Variants in CYLD observed in about 807,000 individuals in gnomAD.
CYLD encodes the protein ubiquitin carboxyl-terminal hydrolase CYLD.
Under a neutral mutation model 104.5 loss-of-function variants are expected in CYLD, and 26 were observed. The ratio of observed to expected loss-of-function variants is 0.25; its 90% confidence interval spans 0.18 to 0.35. CYLD has a LOEUF of 0.35. CYLD is among the 10% of genes least tolerant of loss of function. CYLD has a pLI of 1.00. For missense variants in CYLD, 703 were observed against 1,136.1 expected (o/e 0.62, Z 5.48); for synonymous variants, 385 against 399.9 (o/e 0.96, Z 0.45).
chr16:50,747,493 C>T (rs1001644113), intron 2 of CYLD, among the ~76,000 whole-genome samples: 6 of 152,128 alleles, frequency 3.9e-5, no homozygotes, highest in Admixed American at 1.3e-4. Context: ...AATTTACAGT[C>T]ATAATGATAC....
Position 50,777,848 on chromosome 16 carries a change from A to G in CYLD, c.1045A>G (p.Arg349Gly), listed in dbSNP as rs373172148. The change falls in exon 8 of 19, where the codon AGA (arginine) becomes GGA (glycine). Residue 349 changes from arginine to glycine, a missense_variant. By Grantham distance (125) the Arg-to-Gly change is moderately radical (BLOSUM62 -2). Coordinates refer to ENST00000427738, the MANE Select transcript of CYLD (RefSeq NM_001378743.1). ...AGGATCTACCTCAGACCCTGGAAAT[A>G]GAAACAGATCTGAATTATTTTATAC... is the stretch of plus-strand genomic sequence containing the variant. ...ATGSTSDPGN[R>G]NRSELFYTLN... is the part of the protein sequence containing the mutation. 4 of 1,603,476 alleles carry G rather than the reference A, an allele frequency of 2.5e-6. No individual in the cohort carries two copies. The highest frequency in any genetic ancestry group is 1.7e-4 in the Middle Eastern group (1 of 5,772).
rs1360946351 is a variant in CYLD at position 50,794,382 on chromosome 16, G to A, written c.2640G>A (p.Lys880=). 12 of 1,614,072 alleles carry A rather than the reference G, an allele frequency of 7.4e-6. No homozygotes were observed. The Admixed American group carries it at 1.5e-4, about 20-fold the overall frequency. ...SHYVAFVKYG[K]DDSAWLFFDS... is the part of the protein sequence containing the mutation. ...ATGTTGCTTTTGTGAAGTATGGGAA[G>A]GACGATTCTGCCTGGCTCTTCTTTG... is the stretch of plus-strand genomic sequence containing the variant. The change falls in exon 18 of 19, where the codon AAG becomes AAA. Residue 880 remains lysine (K), a synonymous_variant. Coordinates refer to ENST00000427738, the MANE Select transcript of CYLD (RefSeq NM_001378743.1). This position sits in a 1 kb window ranked among gnomAD's most constrained non-coding sequence, Gnocchi z 4.1.
At chr16:50,778,038 CAG>C in intron 8 of CYLD, 97 bp downstream of exon 8, 3 of 744,356 alleles carry the variant, frequency 4.0e-6, no homozygotes, top group East Asian at 2.5e-5. Flanking sequence ...TTTTTGGAAA[CAG>C]AATAAGTAGA....
chr16:50,798,615 A>G lies in CYLD; in HGVS notation c.*2107A>G, dbSNP rs1377833665. On this transcript the variant is annotated 3_prime_UTR_variant, in exon 19 of 19. Coordinates refer to ENST00000427738, the MANE Select transcript of CYLD (RefSeq NM_001378743.1). ...AGGTAAGACTGGATTTAACAGTTGG[A>G]AAAAAAAAAAAAAAAGGAGAGAGAA... 4 of 84,986 alleles carry G rather than the reference A, an allele frequency of 4.7e-5. No individual in the cohort carries two copies. Among genetic ancestry groups the G allele is most frequent in the East Asian group, 2.1e-4 (1 of 4,730 alleles). 5.3% of individuals were successfully genotyped at this position (84,986 alleles called of 1,614,324 possible). A position where few individuals can be genotyped will look rare whatever the true frequency, so the allele number is the denominator to read the frequency against.
At chr16:50,762,265 C>T (rs1028077298) in intron 5 of CYLD, among the ~76,000 whole-genome samples, 3 of 151,872 alleles carry the variant, frequency 2.0e-5, no homozygotes, top group Non-Finnish European at 2.9e-5. Flanking sequence ...TCTCACTGTT[C>T]TTTTGAATTT....
At position 50,801,302 on chromosome 16, in the gene CYLD, C is replaced by G. The variant is rs1017887673; in HGVS notation, c.*4794C>G. 1.8e-4 allele frequency: 42 copies of G among 233,364 alleles called. No homozygotes were observed. Among genetic ancestry groups the G allele is most frequent in the African/African-American group, 8.8e-4 (40 of 45,356 alleles). The allele number at this position is 233,364 out of a possible 1,614,324, so 14.5% of individuals were successfully genotyped here. ...TCCAGCAGTCTCTGTAGCCAGGTTA[C>G]TCAAGAACCACATTTGATTTCCTGG... On this transcript the variant is annotated 3_prime_UTR_variant, in exon 19 of 19. Coordinates refer to ENST00000427738, the MANE Select transcript of CYLD (RefSeq NM_001378743.1).
In CYLD at chr16:50,755,173, GTGTGTGTA is replaced by G. The variant is rs1567427461; in HGVS notation, c.913+751_913+758del. 9.2e-5 allele frequency among the ~76,000 whole-genome samples: 3 copies of G among 32,546 alleles called. 1 individual carries two copies. Among genetic ancestry groups the G allele is most frequent in the African/African-American group, 7.5e-4 (3 of 3,982 alleles). 21.4% of individuals were successfully genotyped at this position (32,546 alleles called of 152,430 possible). A position where few individuals can be genotyped will look rare whatever the true frequency, so the allele number is the denominator to read the frequency against. ...TGTGTATATACACACGTGTACATAT[GTGTGTGTA>G]TATACACACGTGTACATATGTGTGT... On this transcript the variant is annotated intron_variant, in intron 5 of 18. Transcript: ENST00000427738.
intron 17 of CYLD, 74 bp downstream of exon 17, chr16:50,793,738 G>A (rs566639454): frequency 2.8e-5 from 28 of 983,978 alleles, no homozygotes; most frequent in African/African-American, 8.0e-5. Flanking sequence ...CACAATGCTC[G>A]TTTTGGAAAG....
intron 1 of CYLD, chr16:50,742,547 C>T (rs536879562): frequency 5.5e-4 from 85 of 153,474 alleles, no homozygotes; most frequent in Non-Finnish European, 1.1e-3. Context: ...CCCCCTCCCG[C>T]CCCCCACCCC....
intron 18 of CYLD, chr16:50,795,528 A>G (rs914520337): frequency 1.4e-6 from 1 of 702,690 alleles, no homozygotes; most frequent in African/African-American, 1.7e-5. Flanking sequence ...CTCCATTCTT[A>G]TACCCTATTT....
rs533536575 is a variant in CYLD at position 50,754,886 on chromosome 16, TAC to T, written c.913+463_913+464del. 2.8e-3 allele frequency among the ~76,000 whole-genome samples: 417 copies of T among 149,824 alleles called. 2 individuals carry two copies. Among genetic ancestry groups the T allele is most frequent in the African/African-American group, 9.7e-3 (392 of 40,470 alleles). ...ACACACACACATATGTATATATATA[TAC>T]GCATATATACATATACACACATATA... On this transcript the variant is annotated intron_variant, in intron 5 of 18. Coordinates refer to ENST00000427738, the MANE Select transcript of CYLD (RefSeq NM_001378743.1).
rs1968605816 is a variant in CYLD at position 50,767,161 on chromosome 16, C to G, written c.914-8005C>G. 2.6e-5 allele frequency among the ~76,000 whole-genome samples: 4 copies of G among 152,264 alleles called. No individual in the cohort carries two copies. In the South Asian group the frequency reaches 8.3e-4, roughly 32 times the overall value. ...AACCATCACCGTGATCAGTCAGCACCCATCCACACTGAGGCAAGAGCCTCC... is the reference window on the plus strand; with the variant it reads ...AACCATCACCGTGATCAGTCAGCACGCATCCACACTGAGGCAAGAGCCTCC... On this transcript the variant is annotated intron_variant, in intron 5 of 18. Transcript: ENST00000427738.
rs373689972 is a variant in CYLD, at chr16:50,783,803, T to G, written c.1827-526T>G. 6.9e-4 allele frequency: 111 copies of G among 161,984 alleles called. 1 individual carries two copies. In the East Asian group the frequency reaches 0.015, roughly 22 times the overall value. The allele number at this position is 161,984 out of a possible 1,614,324, so 10.0% of individuals were successfully genotyped here. ...ATTCACCCGTCTCGGCCTCCCAAAGTTCTGGGATTGCAGGCATGAGCCACC... is the reference window on the plus strand; with the variant it reads ...ATTCACCCGTCTCGGCCTCCCAAAGGTCTGGGATTGCAGGCATGAGCCACC... On this transcript the variant is annotated intron_variant, in intron 11 of 18. Coordinates refer to ENST00000427738, the MANE Select transcript of CYLD (RefSeq NM_001378743.1).
intron 8 of CYLD, among the ~76,000 whole-genome samples, chr16:50,778,978 G>A (rs1969953971): frequency 6.6e-6 from 1 of 152,104 alleles, no homozygotes; most frequent in African/African-American, 2.4e-5. Flanking sequence ...TTTTGGCTGT[G>A]GCTCTCTTTA....
chr16:50,775,082 G>A (rs1969532811), intron 5 of CYLD, 84 bp from the exon 6 acceptor site: 1 of 1,096,644 alleles, frequency 9.1e-7, no homozygotes. Flanking sequence ...TCTTTTCCTT[G>A]TGTTTAAAAT....
At chr16:50,758,459 G>A (rs1268587057) in intron 5 of CYLD, among the ~76,000 whole-genome samples, 1 of 152,148 alleles carries the variant, frequency 6.6e-6, no homozygotes, top group Non-Finnish European at 1.5e-5. Context: ...TTGAACAAAG[G>A]ACAACTCACC....
At chr16:50,777,430 C>A (rs968833274) in intron 7 of CYLD, among the ~76,000 whole-genome samples, 1 of 152,176 alleles carries the variant, frequency 6.6e-6, no homozygotes, top group East Asian at 1.9e-4. Context: ...TTGAGGATTA[C>A]CTTCTTTTAA....
chr16:50,750,756 A>C (rs1057227654), intron 3 of CYLD, among the ~76,000 whole-genome samples: 9 of 152,222 alleles, frequency 5.9e-5, no homozygotes, highest in Admixed American at 4.6e-4. Flanking sequence ...AAATAGTTAC[A>C]TAAAAAATTG....
intron 9 of CYLD, among the ~76,000 whole-genome samples, chr16:50,780,675 T>C (rs1460971649): frequency 6.6e-6 from 1 of 152,124 alleles, no homozygotes; most frequent in Non-Finnish European, 1.5e-5. Context: ...TGTACCATCA[T>C]GCTTGGTAAT....
Sources: gnomAD v4.1 joint callset for allele counts (sites outside exome capture counted in the v4.1 genomes callset) on GRCh38, gnomAD v4.1.1 for gene constraint, Gnocchi (gnomAD v3.1) non-coding constraint, MANE v1.5 for transcripts, NCBI Gene and HGNC (gene_info 2026-07-23, HGNC 2026-07-21) for gene names.